IL18RAP: variants seen among roughly 807,000 people sequenced by gnomAD.
The protein encoded by IL18RAP is interleukin 18 receptor accessory protein, also known as interleukin-18 receptor accessory protein.
IL18RAP carries 37 observed loss-of-function variants against 58.1 expected under a neutral mutation model. That is an observed-to-expected ratio of 0.64 (90% CI 0.49 to 0.84). The LOEUF is 0.84. IL18RAP is among the 40% of genes least tolerant of loss of function. The pLI, the probability that IL18RAP is intolerant of heterozygous loss-of-function variation, is 0.00. For synonymous variants in IL18RAP, 268 were observed against 257.5 expected, an observed-to-expected ratio of 1.04 and a Z score of -0.39; for missense variants, 667 against 704.8, an observed-to-expected ratio of 0.95 and a Z score of 0.61.
intron 4 of IL18RAP, 31 bp downstream of exon 4, chr2:102,437,393 A>G (rs768225401): frequency 8.1e-6 from 13 of 1,597,184 alleles, no homozygotes; most frequent in Non-Finnish European, 1.1e-5. Flanking sequence ...AAGATTTGAG[A>G]TCTGAGCAGC....
At chr2:102,437,163 A>T in intron 3 of IL18RAP, 49 bp from the exon 4 acceptor site, 1 of 1,555,430 alleles carries the variant, frequency 6.4e-7, no homozygotes, top group Non-Finnish European at 8.7e-7. Context: ...TGTATTTCAT[A>T]AAGTTTTTCT....
chr2:102,423,126 G>A (rs1190300107), upstream of IL18RAP: 5 of 775,468 alleles, frequency 6.4e-6, no homozygotes, highest in Non-Finnish European at 1.1e-5. Flanking sequence ...TGTGTGAGAT[G>A]CACTTTGTTC....
At chr2:102,434,989 A>T (rs567447627) in intron 3 of IL18RAP, 3 of 147,566 alleles carry the variant, frequency 2.0e-5, no homozygotes, top group Non-Finnish European at 4.5e-5. Context: ...AATATACTCC[A>T]TTCCCATTAA....
At chr2:102,428,499 T>C (rs1464921930) in intron 3 of IL18RAP, among the ~76,000 whole-genome samples, 3 of 151,894 alleles carry the variant, frequency 2.0e-5, no homozygotes. Context: ...AATTTCCTTT[T>C]CTGCAGACAG....
chr2:102,434,445 G>A (rs1292544635), intron 3 of IL18RAP: 1 of 152,094 alleles, frequency 6.6e-6, no homozygotes, highest in Non-Finnish European at 1.5e-5. Flanking sequence ...CAAGAGGTTG[G>A]AATTCTGATT....
In IL18RAP at chr2:102,441,355, G is replaced by A; in HGVS notation, c.774G>A (p.Glu258=). ...KLKPDILDPV[E]DTLEVELGKP... is the part of the protein sequence containing the mutation. ...AACCAGATATTCTGGATCCTGTCGA[G>A]GACACACTGGAAGTAGAACTTGGTA... Residue 258 remains glutamate (E), a synonymous_variant, in exon 5 of 10, where the codon GAG becomes GAA. Coordinates refer to ENST00000687160, the MANE Select transcript of IL18RAP (RefSeq NM_001393487.1). The A allele has an allele frequency of 1.9e-6, 3 of 1,613,228 alleles. No homozygotes were observed. The African/African-American group carries it at 4.0e-5, about 22-fold the overall frequency.
Position 102,426,225 on chromosome 2 carries a change from C to T in IL18RAP, c.579+1811C>T, listed in dbSNP as rs188781028. Among the ~76,000 whole-genome samples the T allele has an allele frequency of 3.3e-5, 5 of 152,206 alleles. 1 individual carries two copies. The highest frequency in any genetic ancestry group is 2.6e-4 in the Admixed American group (4 of 15,270). On this transcript the variant is annotated intron_variant, in intron 3 of 9. Coordinates refer to ENST00000687160, the MANE Select transcript of IL18RAP (RefSeq NM_001393487.1). ...TCAGGTGGTGGGTAAGTCATACCTA[C>T]GACCCATCTCTGAATAGGTGAAGCT...
upstream of IL18RAP, chr2:102,423,082 C>G: frequency 1.6e-6 from 1 of 608,068 alleles, no homozygotes; most frequent in Non-Finnish European, 3.0e-6. Context: ...AAGTGAAGGC[C>G]GGTTTGGGTA....
upstream of IL18RAP, chr2:102,423,095 A>T: frequency 1.5e-6 from 1 of 650,968 alleles, no homozygotes; most frequent in South Asian, 1.8e-5. Context: ...TTTGGGTAGG[A>T]CCTGCCCTTT....
chr2:102,423,215 A>T lies in IL18RAP; in HGVS notation c.-63A>T. On this transcript the variant is annotated 5_prime_UTR_variant, in exon 1 of 10. Transcript: ENST00000687160. ...TACTCAGGGCAGAGTTCTGAATCTC[A>T]AAACACTCTACTCTGGCAAAGGAAT... The T allele has an allele frequency of 2.0e-6, 3 of 1,497,562 alleles. No individual in the cohort carries two copies. Among genetic ancestry groups the T allele is most frequent in the Non-Finnish European group, 2.8e-6 (3 of 1,074,248 alleles). The allele number at this position is 1,497,562 out of a possible 1,614,324, so 92.8% of individuals were successfully genotyped here.
chr2:102,444,026 C>T (rs941413660), intron 6 of IL18RAP, among the ~76,000 whole-genome samples: 1 of 152,166 alleles, frequency 6.6e-6, no homozygotes, highest in Non-Finnish European at 1.5e-5. Context: ...GGCCTGGATC[C>T]AGTGATGTCC....
rs1683793427 is a variant in IL18RAP, at chr2:102,451,918, A to T, written c.1537A>T (p.Lys513Ter). The T allele has an allele frequency of 6.2e-7, 1 of 1,614,198 alleles. No individual in the cohort carries two copies. Residue 513 changes from lysine to a stop codon, truncating the protein, a stop_gained, in exon 10 of 10, where the codon AAG (lysine) becomes TAG (stop). Transcript: ENST00000687160. LOFTEE classifies it low-confidence loss of function (END_TRUNC). ...DDQTLKLILI[K>*]FCYFQEPESL... ...TCAAACACTGAAACTCATTTTAATT[A>T]AGTTCTGTTACTTCCAAGAGCCAGA...
Position 102,451,910 on chromosome 2 carries a change from T to C in IL18RAP, c.1529T>C (p.Ile510Thr), listed in dbSNP as rs919630610. ...LALDDQTLKL[I>T]LIKFCYFQEP... ...TTGGATGATCAAACACTGAAACTCATTTTAATTAAGTTCTGTTACTTCCAA... is the reference window on the plus strand; with the variant it reads ...TTGGATGATCAAACACTGAAACTCACTTTAATTAAGTTCTGTTACTTCCAA... Residue 510 changes from isoleucine to threonine, a missense_variant, in exon 10 of 10, where the codon ATT becomes ACT. Transcript: ENST00000687160. The C allele has an allele frequency of 6.2e-7, 1 of 1,614,178 alleles. No homozygotes were observed. Among genetic ancestry groups the C allele is most frequent in the South Asian group, 1.1e-5 (1 of 91,072 alleles).
chr2:102,429,452 G>A (rs1682192459), intron 3 of IL18RAP, among the ~76,000 whole-genome samples: 1 of 151,694 alleles, frequency 6.6e-6, no homozygotes, highest in Non-Finnish European at 1.5e-5. Context: ...CTATTTGAGT[G>A]TTCTCTTTTT....
chr2:102,419,594 AG>A (rs1303352611), upstream of IL18RAP: 1 of 152,352 alleles, frequency 6.6e-6, no homozygotes. Context: ...ACCAACTGAA[AG>A]GGAAATCTTC....
chr2:102,431,335 C>T (rs1160893219), intron 3 of IL18RAP, among the ~76,000 whole-genome samples: 1 of 152,130 alleles, frequency 6.6e-6, no homozygotes, highest in Non-Finnish European at 1.5e-5. Context: ...TCATCTCTTG[C>T]TACTTTCAAT....
Position 102,423,214 on chromosome 2 carries a change from C to T in IL18RAP, c.-64C>T. ...ATACTCAGGGCAGAGTTCTGAATCT[C>T]AAAACACTCTACTCTGGCAAAGGAA... On this transcript the variant is annotated 5_prime_UTR_variant, in exon 1 of 10. Coordinates refer to ENST00000687160, the MANE Select transcript of IL18RAP (RefSeq NM_001393487.1). 6.7e-7 allele frequency: 1 copy of T among 1,491,258 alleles called. No homozygotes were observed. Among genetic ancestry groups the T allele is most frequent in the Non-Finnish European group, 9.4e-7 (1 of 1,068,672 alleles). The allele number at this position is 1,491,258 out of a possible 1,614,324, so 92.4% of individuals were successfully genotyped here. A position where few individuals can be genotyped will look rare whatever the true frequency, so the allele number is the denominator to read the frequency against.
At chr2:102,447,490 C>A (rs1683497964) in intron 8 of IL18RAP, among the ~76,000 whole-genome samples, 1 of 151,978 alleles carries the variant, frequency 6.6e-6, no homozygotes, top group South Asian at 2.1e-4. Context: ...TTTTTTCATT[C>A]CAGTTGCCAG....
chr2:102,441,455 T>C (rs1683099046), intron 5 of IL18RAP, 78 bp downstream of exon 5: 3 of 1,136,242 alleles, frequency 2.6e-6, no homozygotes, highest in South Asian at 2.6e-5. Context: ...GAAAACAGCA[T>C]TGGGATTTCC....
Sources: allele counts gnomAD v4.1 joint callset (sites outside exome capture counted in the v4.1 genomes callset), GRCh38; gene constraint gnomAD v4.1.1; transcripts MANE v1.5; gene names NCBI Gene and HGNC (gene_info 2026-07-23, HGNC 2026-07-21).